Variants in CHD7 observed in about 807,000 individuals in gnomAD.
CHD7 encodes the protein chromodomain helicase DNA binding protein 7.
In CHD7, 24 loss-of-function variants were observed where a neutral mutation model predicts 307.3. That is an observed-to-expected ratio of 0.08 (90% CI 0.06 to 0.11). CHD7 has a LOEUF of 0.11. Ranked by LOEUF, CHD7 falls within the 10% of genes least tolerant of loss-of-function variation. The pLI is 1.00. For missense variants in CHD7, 3,106 were observed against 3,727.1 expected (o/e 0.83, Z 4.34); for synonymous variants, 1,363 against 1,349.9 (o/e 1.01, Z -0.21).
chr8:60,847,839 A>AT (rs1563654592), intron 23 of CHD7, among the ~76,000 whole-genome samples: 1 of 151,690 alleles, frequency 6.6e-6, no homozygotes, highest in Non-Finnish European at 1.5e-5. Context: ...CTAATGTTTA[A>AT]TTTTTTTTTC....
chr8:60,808,330 A>G lies in CHD7; in HGVS notation c.2498+58A>G, dbSNP rs370345274. 1.6e-5 allele frequency: 17 copies of G among 1,038,410 alleles called. No individual in the cohort carries two copies. The African/African-American group carries it at 2.6e-4, about 16-fold the overall frequency. The allele number at this position is 1,038,410 out of a possible 1,614,324, so 64.3% of individuals were successfully genotyped here. The stretch of plus-strand genomic sequence containing the variant: ...GGCTATATTTTCCAAGTAGTAAACG[A>G]CCATTTTTTTTTAAAGTTGGGAAAT... On this transcript the variant is annotated intron_variant, in intron 7 of 37. Coordinates refer to ENST00000423902, the MANE Select transcript of CHD7 (RefSeq NM_017780.4).
chr8:60,725,270 G>A (rs926480422), intron 1 of CHD7, among the ~76,000 whole-genome samples: 6 of 152,192 alleles, frequency 3.9e-5, no homozygotes, highest in Non-Finnish European at 5.9e-5. Flanking sequence ...TATCTCTCCT[G>A]AAGGGTTTTA....
At chr8:60,739,185 C>G (rs1808866719) in intron 1 of CHD7, among the ~76,000 whole-genome samples, 1 of 152,158 alleles carries the variant, frequency 6.6e-6, no homozygotes, top group Non-Finnish European at 1.5e-5. Flanking sequence ...AGCATTTCTT[C>G]CCATAACAGT....
intron 1 of CHD7, among the ~76,000 whole-genome samples, chr8:60,737,279 A>T (rs1013976923): frequency 6.6e-6 from 1 of 152,170 alleles, no homozygotes; most frequent in African/African-American, 2.4e-5. Context: ...ATTCACTTCT[A>T]TTTGCTGATG....
At chr8:60,704,839 AC>A (rs1196095362) in intron 1 of CHD7, among the ~76,000 whole-genome samples, 1 of 151,930 alleles carries the variant, frequency 6.6e-6, no homozygotes, top group Non-Finnish European at 1.5e-5. Context: ...AACAAGAGGT[AC>A]CCTTTCTCTT....
Position 60,856,781 on chromosome 8 carries a change from T to C in CHD7, c.7501T>C (p.Ser2501Pro). 6.2e-7 allele frequency: 1 copy of C among 1,612,756 alleles called. No individual in the cohort carries two copies. Among genetic ancestry groups the C allele is most frequent in the Non-Finnish European group, 8.5e-7 (1 of 1,179,094 alleles). Residue 2501 changes from serine to proline, a missense_variant, in exon 34 of 38, where the codon TCC (serine) becomes CCC (proline). By Grantham distance (74) the Ser-to-Pro change is moderately conservative. Around this residue, in one of 10 missense-constraint regions of CHD7, gnomAD observed 1,030 missense variants for 1,165.4 expected, o/e 0.88. Transcript: ENST00000423902. ...RTPTRHLLNG[S>P]LVDGEPPMKR... ...ACCCACAAGGCATCTCCTTAATGGC[T>C]CCCTAGTGGATGGAGAGCCTCCCAT...
At chr8:60,717,522 TACA>T (rs1296254932) in intron 1 of CHD7, among the ~76,000 whole-genome samples, 19 of 152,216 alleles carry the variant, frequency 1.2e-4, no homozygotes, top group Non-Finnish European at 2.6e-4. Context: ...TTGGTCATGC[TACA>T]ACTCAGGTGG....
At chr8:60,777,323 G>A (rs1586310192) in intron 2 of CHD7, among the ~76,000 whole-genome samples, 1 of 152,292 alleles carries the variant, frequency 6.6e-6, no homozygotes, top group East Asian at 1.9e-4. Flanking sequence ...TGGAAGCATT[G>A]CACACACTGT....
At chr8:60,693,823 A>T (rs1171077757) in intron 1 of CHD7, among the ~76,000 whole-genome samples, 1 of 152,252 alleles carries the variant, frequency 6.6e-6, no homozygotes, top group Non-Finnish European at 1.5e-5. Flanking sequence ...AAGTGATCCA[A>T]CTAGCAGCTG....
chr8:60,858,876 C>A (rs1451912314), intron 34 of CHD7, among the ~76,000 whole-genome samples: 1 of 152,220 alleles, frequency 6.6e-6, no homozygotes, highest in Non-Finnish European at 1.5e-5. Flanking sequence ...TCCTGAAGTA[C>A]TGGGATTACA....
chr8:60,782,565 G>A (rs1319135864), intron 3 of CHD7, among the ~76,000 whole-genome samples: 1 of 152,118 alleles, frequency 6.6e-6, no homozygotes, highest in Non-Finnish European at 1.5e-5. Context: ...CACCTTTTAT[G>A]GTGCCAAAGT....
intron 34 of CHD7, among the ~76,000 whole-genome samples, chr8:60,859,775 A>C (rs1805881630): frequency 6.6e-6 from 1 of 152,240 alleles, no homozygotes; most frequent in African/African-American, 2.4e-5. Flanking sequence ...CTTGCAGAGA[A>C]GGCAGGATGC....
At chr8:60,685,400 G>A (rs764561405) in intron 1 of CHD7, among the ~76,000 whole-genome samples, 19 of 152,312 alleles carry the variant, frequency 1.2e-4, no homozygotes, top group Non-Finnish European at 2.1e-4. Context: ...CAGGTTGAGC[G>A]TAGAATCCTG....
intron 15 of CHD7, among the ~76,000 whole-genome samples, chr8:60,831,694 T>C (rs1563639576): frequency 6.6e-6 from 1 of 151,916 alleles, no homozygotes; most frequent in Non-Finnish European, 1.5e-5. Flanking sequence ...TAGAAGTTAA[T>C]GTGGGTTAAA....
intron 2 of CHD7, among the ~76,000 whole-genome samples, chr8:60,755,788 A>G (rs909669774): frequency 2.0e-5 from 3 of 152,250 alleles, no homozygotes; most frequent in African/African-American, 7.2e-5. Flanking sequence ...GTTTAAGGAA[A>G]GAAAACCCTT....
At chr8:60,761,394 A>G (rs1187846439) in intron 2 of CHD7, among the ~76,000 whole-genome samples, 1 of 151,380 alleles carries the variant, frequency 6.6e-6, no homozygotes, top group African/African-American at 2.4e-5. Flanking sequence ...CTAATGCTAA[A>G]TGACAAGTTA....
chr8:60,731,980 G>A (rs780120039), intron 1 of CHD7, among the ~76,000 whole-genome samples: 32 of 152,238 alleles, frequency 2.1e-4, no homozygotes, highest in South Asian at 2.1e-4. Context: ...TGCTTTGCCT[G>A]TCCTGTGCTC....
At chr8:60,857,558 TA>T (rs1190543128) in intron 34 of CHD7, among the ~76,000 whole-genome samples, 1 of 152,182 alleles carries the variant, frequency 6.6e-6, no homozygotes. Flanking sequence ...TGTGCTTTTT[TA>T]AAAAATGGTT....
At chr8:60,827,754 C>G (rs913507170) in intron 13 of CHD7, among the ~76,000 whole-genome samples, 1 of 151,768 alleles carries the variant, frequency 6.6e-6, no homozygotes, top group Non-Finnish European at 1.5e-5. Flanking sequence ...GTTCTTACCT[C>G]ATTCATCTAG....
Sources: gnomAD v4.1 joint callset for allele counts (sites outside exome capture counted in the v4.1 genomes callset) on GRCh38, gnomAD v4.1.1 for gene constraint, gnomAD v4.1.1 regional missense constraint, MANE v1.5 for transcripts, NCBI Gene and HGNC (gene_info 2026-07-23, HGNC 2026-07-21) for gene names.